Variants in RGP1 observed in about 807,000 individuals in gnomAD.
RGP1 encodes RAB6A-GEF complex partner protein 2.
Under a neutral mutation model 44.5 loss-of-function variants are expected in RGP1, and 28 were observed. The ratio of observed to expected loss-of-function variants is 0.63; its 90% confidence interval spans 0.47 to 0.86. The LOEUF (loss-of-function observed/expected upper bound fraction) is 0.86, where lower values mean the gene tolerates loss of function less well. Ranked by LOEUF, RGP1 falls within the 40% of genes least tolerant of loss-of-function variation. The pLI, the probability that RGP1 is intolerant of heterozygous loss-of-function variation, is 0.00. For synonymous variants in RGP1, 212 were observed against 196.7 expected (o/e 1.08, Z -0.65); for missense variants, 417 against 490.7 (o/e 0.85, Z 1.42).
chr9:35,783,490 T>C, the RGP1 span, among the ~76,000 whole-genome samples: 4 of 152,120 alleles, frequency 2.6e-5, no homozygotes, highest in African/African-American at 9.6e-5. Flanking sequence ...CTTCCCAACC[T>C]CTGGTAACAA....
chr9:35,785,163 C>T, the RGP1 span, among the ~76,000 whole-genome samples: 1 of 152,134 alleles, frequency 6.6e-6, no homozygotes, highest in Non-Finnish European at 1.5e-5. Flanking sequence ...GTTGTCAGCA[C>T]AACTGTTGTG....
downstream of RGP1, among the ~76,000 whole-genome samples, chr9:35,760,610 G>T (rs932677864): frequency 2.0e-5 from 3 of 152,168 alleles, no homozygotes; most frequent in African/African-American, 4.8e-5. Context: ...TTACTTGGTA[G>T]GTGGTAGCTT....
In RGP1 at chr9:35,755,525, T is replaced by G. The variant is rs1415271441; in HGVS notation, c.*2651T>G. 1 of 152,260 alleles carries G rather than the reference T, an allele frequency of 6.6e-6. No individual in the cohort carries two copies. Among genetic ancestry groups the G allele is most frequent in the East Asian group, 1.9e-4 (1 of 5,200 alleles). 9.4% of individuals were successfully genotyped at this position (152,260 alleles called of 1,614,324 possible). A position where few individuals can be genotyped will look rare whatever the true frequency, so the allele number is the denominator to read the frequency against. ...TTGTGGAAAACAATTTTTCCACCAGTGGATGGAGGGGGATAGCAGCGGGGA... is the reference window on the plus strand; with the variant it reads ...TTGTGGAAAACAATTTTTCCACCAGGGGATGGAGGGGGATAGCAGCGGGGA... On this transcript the variant is annotated 3_prime_UTR_variant, in exon 9 of 9. Coordinates refer to ENST00000378078, the MANE Select transcript of RGP1 (RefSeq NM_001080496.3).
At chr9:35,750,598 G>A (rs953992980) in intron 3 of RGP1, 60 bp from the exon 4 acceptor site, 2 of 1,558,538 alleles carry the variant, frequency 1.3e-6, no homozygotes, top group Admixed American at 3.4e-5. Flanking sequence ...CACTTGCCGT[G>A]CTAGTCTTGT....
At chr9:35,779,631 A>G in the RGP1 span, among the ~76,000 whole-genome samples, 33 of 152,234 alleles carry the variant, frequency 2.2e-4, no homozygotes, top group Admixed American at 2.6e-4. Context: ...AACAGAAGTT[A>G]GGAGGGTTAA....
chr9:35,749,932 G>A lies in RGP1; in HGVS notation c.116+61G>A, dbSNP rs1827207171. On this transcript the variant is annotated intron_variant, in intron 2 of 8. Coordinates refer to ENST00000378078, the MANE Select transcript of RGP1 (RefSeq NM_001080496.3). The surrounding 1 kb of genome is among the most constrained non-coding windows in gnomAD (Gnocchi z 4.4). ...GGGAAGAAGCCAGATTATCTCTGGG[G>A]CTGAGGCAGAGCTCAGGTTGTCCTG... 7.7e-7 allele frequency: 1 copy of A among 1,302,356 alleles called. No individual in the cohort carries two copies. The highest frequency in any genetic ancestry group is 1.5e-5 in the African/African-American group (1 of 67,584). 80.7% of individuals were successfully genotyped at this position (1,302,356 alleles called of 1,614,324 possible).
chr9:35,775,924 C>T, the RGP1 span, among the ~76,000 whole-genome samples: 2 of 152,172 alleles, frequency 1.3e-5, no homozygotes, highest in Non-Finnish European at 2.9e-5. Context: ...GGTGCTTTTA[C>T]ATTTATTGTT....
the RGP1 span, among the ~76,000 whole-genome samples, chr9:35,786,126 T>C: frequency 6.6e-6 from 1 of 152,222 alleles, no homozygotes; most frequent in Non-Finnish European, 1.5e-5. Context: ...GAGCAGAAGA[T>C]TAAAATAGTG....
chr9:35,779,654 G>T, the RGP1 span, among the ~76,000 whole-genome samples: 1 of 152,182 alleles, frequency 6.6e-6, no homozygotes, highest in African/African-American at 2.4e-5. Flanking sequence ...AGATGGCTTG[G>T]ATCAGGATTC....
At chr9:35,759,917 C>CTTTTTTTTTT (rs34848500), downstream of RGP1, among the ~76,000 whole-genome samples, 1 of 132,986 alleles carries the variant, frequency 7.5e-6, no homozygotes. Context: ...TTCATTTTTC[C>CTTTTTTTTTT]TTTTTTTTTT....
chr9:35,759,353 C>A (rs374418373), downstream of RGP1, among the ~76,000 whole-genome samples: 146 of 152,012 alleles, frequency 9.6e-4, 2 homozygotes, highest in African/African-American at 3.4e-3. Flanking sequence ...TTGCTTGAGA[C>A]CAGGAGTTTG....
chr9:35,750,552 G>A (rs1204949869), intron 3 of RGP1, 106 bp from the exon 4 acceptor site: 2 of 1,354,248 alleles, frequency 1.5e-6, no homozygotes, highest in African/African-American at 2.9e-5. Context: ...CCATTTCACA[G>A]CAGGGACGGA....
At chr9:35,772,784 C>G in the RGP1 span, among the ~76,000 whole-genome samples, 1 of 130,632 alleles carries the variant, frequency 7.7e-6, no homozygotes, top group East Asian at 2.2e-4. Flanking sequence ...GAGCGAGACT[C>G]TGTCTCAAAA....
At position 35,749,697 on chromosome 9, in the gene RGP1, G is replaced by A. The variant is rs1827196703; in HGVS notation, c.-19-40G>A. The stretch of plus-strand genomic sequence containing the variant: ...GGTGCTCACCGCAACGCCCCTCCCT[G>A]TCAAGGTGCTGACCTCCGCCCCGCC... On this transcript the variant is annotated intron_variant, in intron 1 of 8. Transcript: ENST00000378078. The surrounding 1 kb of genome is among the most constrained non-coding windows in gnomAD (Gnocchi z 4.4). 7.9e-7 allele frequency: 1 copy of A among 1,270,842 alleles called. No homozygotes were observed. Among genetic ancestry groups the A allele is most frequent in the Non-Finnish European group, 1.1e-6 (1 of 878,734 alleles). The allele number at this position is 1,270,842 out of a possible 1,614,324, so 78.7% of individuals were successfully genotyped here. A position where few individuals can be genotyped will look rare whatever the true frequency, so the allele number is the denominator to read the frequency against.
At chr9:35,750,114 G>T in intron 2 of RGP1, 129 bp from the exon 3 acceptor site, 1 of 1,334,332 alleles carries the variant, frequency 7.5e-7, no homozygotes, top group Non-Finnish European at 1.0e-6. Flanking sequence ...TTCTCTTTGG[G>T]ATTGTGGATT....
the RGP1 span, among the ~76,000 whole-genome samples, chr9:35,768,407 A>G: frequency 6.6e-6 from 1 of 152,288 alleles, no homozygotes; most frequent in South Asian, 2.1e-4. Flanking sequence ...CTTTATGGAG[A>G]TGTCTGACCC....
In RGP1 at chr9:35,756,961, A is replaced by T. The variant is rs1425953418; in HGVS notation, c.*4087A>T. On this transcript the variant is annotated 3_prime_UTR_variant, in exon 9 of 9. Coordinates refer to ENST00000378078, the MANE Select transcript of RGP1 (RefSeq NM_001080496.3). ...GTGCAGAGGTGTGGGTCGAGCCCGC[A>T]TGCGTGCCTGCTGGGGAGGGGGTGA... 1.3e-5 allele frequency: 2 copies of T among 152,368 alleles called. No homozygotes were observed. The highest frequency in any genetic ancestry group is 2.9e-5 in the Non-Finnish European group (2 of 68,234). The allele number at this position is 152,368 out of a possible 1,614,324, so 9.4% of individuals were successfully genotyped here.
chr9:35,780,753 G>T, the RGP1 span, among the ~76,000 whole-genome samples: 1 of 151,758 alleles, frequency 6.6e-6, no homozygotes, highest in Non-Finnish European at 1.5e-5. Context: ...ACAACCAGGC[G>T]TGGTGGTGTG....
the RGP1 span, among the ~76,000 whole-genome samples, chr9:35,772,778 G>A: frequency 1.4e-5 from 2 of 143,248 alleles, no homozygotes; most frequent in East Asian, 2.1e-4. Context: ...GCAACAGAGC[G>A]AGACTCTGTC....
Sources: allele counts gnomAD v4.1 joint callset (sites outside exome capture counted in the v4.1 genomes callset), GRCh38; gene constraint gnomAD v4.1.1; non-coding constraint Gnocchi (gnomAD v3.1); transcripts MANE v1.5; gene names NCBI Gene and HGNC (gene_info 2026-07-23, HGNC 2026-07-21).